AP4M1: variants seen among roughly 807,000 people sequenced by gnomAD.
AP4M1 encodes the protein adaptor related protein complex 4 subunit mu 1.
AP4M1 carries 58 observed loss-of-function variants against 62.4 expected under a neutral mutation model. That is an observed-to-expected ratio of 0.93 (90% CI 0.75 to 1.16). AP4M1 has a LOEUF of 1.16. Among genes scored for constraint, AP4M1 ranks in the 50% most tolerant of loss-of-function variants. The pLI is 0.00. For synonymous variants in AP4M1, 290 were observed against 239.7 expected (o/e 1.21, Z -1.94); for missense variants, 626 against 585.4 (o/e 1.07, Z -0.72).
rs748573724 is a variant in AP4M1 at position 100,101,791 on chromosome 7, G to C, written c.58+19G>C. On this transcript the variant is annotated intron_variant, in intron 1 of 14. Transcript: ENST00000359593. ...AAAGACTGTATCCTAGACCCTTGGG[G>C]CTGGGAAGGGGCGGAGGGGCCGGGC... The C allele has an allele frequency of 1.9e-6, 3 of 1,610,868 alleles. No individual in the cohort carries two copies. The East Asian group carries it at 6.7e-5, about 36-fold the overall frequency.
upstream of AP4M1, chr7:100,100,810 C>A (rs1795964840): frequency 1.0e-6 from 1 of 997,884 alleles, no homozygotes; most frequent in South Asian, 4.3e-5. Context: ...GCTCGGAGGG[C>A]GGCCTCAAAC....
chr7:100,104,781 A>T (rs1161407965), intron 7 of AP4M1, 93 bp from the exon 8 acceptor site: 4 of 1,435,436 alleles, frequency 2.8e-6, no homozygotes, highest in Middle Eastern at 2.1e-4. Context: ...CAGTGAGCCG[A>T]GATCACGCCA....
In AP4M1 at chr7:100,102,064, T is replaced by TG. The variant is rs922659505; in HGVS notation, c.147+102dup. On this transcript the variant is annotated intron_variant, in intron 2 of 14. Transcript: ENST00000359593. ...GACTGGTTCATTGGTAGATTCCACT[T>TG]GGGGGGTGCATTCCGCCAAATAAAG... 6.1e-5 allele frequency: 83 copies of TG among 1,367,068 alleles called. 1 individual carries two copies. Among genetic ancestry groups the TG allele is most frequent in the Non-Finnish European group, 7.3e-5 (71 of 971,042 alleles). 84.7% of individuals were successfully genotyped at this position (1,367,068 alleles called of 1,614,324 possible).
At chr7:100,102,107 G>T in intron 2 of AP4M1, 139 bp downstream of exon 2, 1 of 980,630 alleles carries the variant, frequency 1.0e-6, no homozygotes, top group Non-Finnish European at 1.6e-6. Context: ...GAGGCCCGGC[G>T]CGGTGGCTCA....
At chr7:100,103,330 G>T in intron 4 of AP4M1, 79 bp from the exon 5 acceptor site, 1 of 1,255,804 alleles carries the variant, frequency 8.0e-7, no homozygotes, top group Non-Finnish European at 1.2e-6. Flanking sequence ...ACAGGAGTGA[G>T]TCACCATGCC....
upstream of AP4M1, chr7:100,101,583 G>T: frequency 9.8e-7 from 1 of 1,016,702 alleles, no homozygotes; most frequent in Non-Finnish European, 1.5e-6. Context: ...CGGGTTTCCC[G>T]CGGTCCGAGC....
chr7:100,105,838 C>G, intron 11 of AP4M1, 121 bp from the exon 12 acceptor site: 1 of 1,243,186 alleles, frequency 8.0e-7, no homozygotes, highest in Non-Finnish European at 1.2e-6. Context: ...GGGCTTCAGC[C>G]CTTTTCCCTC....
chr7:100,105,839 C>T, intron 11 of AP4M1, 120 bp from the exon 12 acceptor site: 2 of 1,267,186 alleles, frequency 1.6e-6, no homozygotes, highest in South Asian at 1.2e-5. Flanking sequence ...GGCTTCAGCC[C>T]TTTTCCCTCT....
chr7:100,102,548 T>C, intron 2 of AP4M1, 127 bp from the exon 3 acceptor site: 2 of 788,458 alleles, frequency 2.5e-6, no homozygotes, highest in South Asian at 1.4e-5. Context: ...GCATATGTCA[T>C]GTATCTCCCA....
rs761617892 is a variant in AP4M1, at chr7:100,108,033, C to T, written c.*1151C>T. 1 of 1,613,688 alleles carries T rather than the reference C, an allele frequency of 6.2e-7. No homozygotes were observed. Among genetic ancestry groups the T allele is most frequent in the Non-Finnish European group, 8.5e-7 (1 of 1,179,930 alleles). On this transcript the variant is annotated 3_prime_UTR_variant, in exon 15 of 15. Transcript: ENST00000359593. ...GCTCGTGCAGACACCAGTGTCTGGA[C>T]AGGAAGTGCGATGGAGCCAGGAACC...
chr7:100,108,012 G>C lies in AP4M1; in HGVS notation c.*1130G>C. On this transcript the variant is annotated 3_prime_UTR_variant, in exon 15 of 15. Coordinates refer to ENST00000359593, the MANE Select transcript of AP4M1 (RefSeq NM_004722.4). ...GAAGGCTGTGGTGGGGCAGCCGCTC[G>C]TGCAGACACCAGTGTCTGGACAGGA... 1.2e-6 allele frequency: 2 copies of C among 1,613,938 alleles called. No individual in the cohort carries two copies. The highest frequency in any genetic ancestry group is 8.5e-7 in the Non-Finnish European group (1 of 1,179,976).
intron 7 of AP4M1, 46 bp downstream of exon 7, chr7:100,104,200 G>A (rs1391157862): frequency 1.9e-6 from 3 of 1,555,090 alleles, no homozygotes; most frequent in Non-Finnish European, 2.7e-6. Flanking sequence ...GATGGGACTT[G>A]GGAAACATGG....
Position 100,103,840 on chromosome 7 carries a change from C to CAA in AP4M1, c.543+149_543+150insAA. On this transcript the variant is annotated intron_variant, in intron 6 of 14. Coordinates refer to ENST00000359593, the MANE Select transcript of AP4M1 (RefSeq NM_004722.4). ...GCAGATCACCTGATGCCAGGAGTTTCAGAGCAGCCTGGCCAACATGGTGAA... is the reference window on the plus strand; with the variant it reads ...GCAGATCACCTGATGCCAGGAGTTTCAAAGAGCAGCCTGGCCAACATGGTGAA... The CAA allele has an allele frequency of 4.0e-6, 3 of 752,428 alleles. No homozygotes were observed. The South Asian group carries it at 4.2e-5, about 11-fold the overall frequency. 46.6% of individuals were successfully genotyped at this position (752,428 alleles called of 1,614,324 possible).
rs867649912 is a variant in AP4M1 at position 100,102,920 on chromosome 7, G to A, written c.311G>A (p.Arg104His). ...TCCCTGGGCGAGGGGACCATCTCCCGCAATGTGGCTCTGGTATACGAACTC... is the reference window on the plus strand; with the variant it reads ...TCCCTGGGCGAGGGGACCATCTCCCACAATGTGGCTCTGGTATACGAACTC... Reference protein sequence around the residue: ...CGSLGEGTISRNVALVYELLD... With the variant: ...CGSLGEGTISHNVALVYELLD... Residue 104 changes from arginine to histidine, a missense_variant, in exon 4 of 15, where the codon CGC becomes CAC. By Grantham distance (29) the Arg-to-His change is conservative. Coordinates refer to ENST00000359593, the MANE Select transcript of AP4M1 (RefSeq NM_004722.4). 1.9e-6 allele frequency: 3 copies of A among 1,614,082 alleles called. No homozygotes were observed. Among genetic ancestry groups the A allele is most frequent in the Non-Finnish European group, 1.7e-6 (2 of 1,180,008 alleles).
In AP4M1 at chr7:100,107,706, C is replaced by G; in HGVS notation, c.*824C>G. The G allele has an allele frequency of 6.5e-7, 1 of 1,542,706 alleles. No homozygotes were observed. ...CTGGCGAGGACGCTTCACTCGCTCCCTGCCTGAACAAGTTGTTCCTGTAGT... is the reference window on the plus strand; with the variant it reads ...CTGGCGAGGACGCTTCACTCGCTCCGTGCCTGAACAAGTTGTTCCTGTAGT... On this transcript the variant is annotated 3_prime_UTR_variant, in exon 15 of 15. Coordinates refer to ENST00000359593, the MANE Select transcript of AP4M1 (RefSeq NM_004722.4).
At chr7:100,101,461 C>A, upstream of AP4M1, 1 of 892,606 alleles carries the variant, frequency 1.1e-6, no homozygotes. Context: ...GACAAGGCGG[C>A]CTTCTTCACC....
rs373833370 is a variant in AP4M1 at position 100,104,904 on chromosome 7, G to C, written c.637G>C (p.Glu213Gln). 3.1e-6 allele frequency: 5 copies of C among 1,614,106 alleles called. No homozygotes were observed. In the African/African-American group the frequency reaches 6.7e-5, roughly 22 times the overall value. ...GSLLKVDVQGEIRLKSFLPSG... is the reference protein window; with the variant it reads ...GSLLKVDVQGQIRLKSFLPSG... The stretch of plus-strand genomic sequence containing the variant: ...CCTGCTGAAGGTGGATGTGCAGGGA[G>C]AGATTCGGCTCAAGAGCTTCCTTCC... Residue 213 changes from glutamate to glutamine, a missense_variant, in exon 8 of 15, where the codon GAG (glutamate) becomes CAG (glutamine). By Grantham distance (29) the Glu-to-Gln change is conservative (BLOSUM62 2). Transcript: ENST00000359593.
Position 100,104,946 on chromosome 7 carries a change from G to A in AP4M1, c.673+6G>A, listed in dbSNP as rs201427711. The A allele has an allele frequency of 2.3e-5, 37 of 1,614,108 alleles. No individual in the cohort carries two copies. Among genetic ancestry groups the A allele is most frequent in the Non-Finnish European group, 3.0e-5 (35 of 1,180,050 alleles). On this transcript the variant is annotated splice_donor_region_variant and intron_variant, in intron 8 of 14. Transcript: ENST00000359593. ...CTTCCTTCCTAGCGGCTCTGGTGAGGCATCTGCAGGCAGGACCAAGGGTTG... is the reference window on the plus strand; with the variant it reads ...CTTCCTTCCTAGCGGCTCTGGTGAGACATCTGCAGGCAGGACCAAGGGTTG...
rs201350057 is a variant in AP4M1, at chr7:100,107,327, C to G, written c.*445C>G. Reference sequence around the variant, plus strand: ...TCCCTGGAGCTGGAGGGGGACTGTCCCCAGCCTCCTGCTTCCCCCCACAAA... The same window carrying G: ...TCCCTGGAGCTGGAGGGGGACTGTCGCCAGCCTCCTGCTTCCCCCCACAAA... On this transcript the variant is annotated 3_prime_UTR_variant, in exon 15 of 15. Transcript: ENST00000359593. The G allele has an allele frequency of 7.1e-6, 11 of 1,542,588 alleles. No homozygotes were observed. Among genetic ancestry groups the G allele is most frequent in the Non-Finnish European group, 9.6e-6 (11 of 1,143,922 alleles).
Sources: gnomAD v4.1 joint callset for allele counts on GRCh38, gnomAD v4.1.1 for gene constraint, MANE v1.5 for transcripts, NCBI Gene and HGNC (gene_info 2026-07-23, HGNC 2026-07-21) for gene names.